The following NRXN1 variants were observed in gnomAD, a reference collection of about 807,000 sequenced individuals.
The protein encoded by NRXN1 is neurexin 1, also known as neurexin-1.
Under a neutral mutation model 150.9 loss-of-function variants are expected in NRXN1, and 39 were observed. That is an observed-to-expected ratio of 0.26 (90% CI 0.20 to 0.34). The LOEUF (loss-of-function observed/expected upper bound fraction) is 0.34. Among genes scored for constraint, NRXN1 ranks in the 10% least tolerant of loss-of-function variants. The pLI is 1.00. For synonymous variants in NRXN1, 924 were observed against 757.0 expected (o/e 1.22, Z -3.62); for missense variants, 1,815 against 1,949.9 (o/e 0.93, Z 1.30).
intron 5 of NRXN1, among the ~76,000 whole-genome samples, chr2:50,840,760 T>G (rs1039809245): frequency 6.6e-6 from 1 of 152,170 alleles, no homozygotes; most frequent in South Asian, 2.1e-4. Flanking sequence ...ATCCACTCTA[T>G]AGAAATCTCA....
chr2:50,949,961 C>A (rs1691033058), intron 2 of NRXN1, among the ~76,000 whole-genome samples: 1 of 152,032 alleles, frequency 6.6e-6, no homozygotes, highest in Non-Finnish European at 1.5e-5. Context: ...TGTACCATCC[C>A]CTGGGTATCA....
At chr2:50,842,320 T>G (rs913525924) in intron 5 of NRXN1, among the ~76,000 whole-genome samples, 1 of 152,182 alleles carries the variant, frequency 6.6e-6, no homozygotes, top group Non-Finnish European at 1.5e-5. Context: ...AGGAAAAACA[T>G]AGGCTAACAA....
intron 17 of NRXN1, among the ~76,000 whole-genome samples, chr2:50,337,016 A>G (rs1464342272): frequency 1.3e-5 from 2 of 152,218 alleles, no homozygotes; most frequent in African/African-American, 4.8e-5. Flanking sequence ...ATGCTCAGTC[A>G]GAATAAATTA....
intron 5 of NRXN1, chr2:50,757,868 ATGTTACCTCCTCTC>A (rs1183650546): frequency 4.6e-5 from 7 of 151,486 alleles, no homozygotes; most frequent in Non-Finnish European, 8.8e-5. Flanking sequence ...AGACCATCAA[ATGTTACCTCCTCTC>A]TTGAGGGCCA....
intron 12 of NRXN1, among the ~76,000 whole-genome samples, chr2:50,507,283 C>G (rs911225090): frequency 1.3e-5 from 2 of 151,768 alleles, no homozygotes; most frequent in African/African-American, 4.8e-5. Flanking sequence ...TTGACCTGTA[C>G]GTCACAAATC....
At chr2:50,067,055 A>C (rs976948227) in intron 19 of NRXN1, among the ~76,000 whole-genome samples, 2 of 152,194 alleles carry the variant, frequency 1.3e-5, no homozygotes, top group African/African-American at 4.8e-5. Context: ...TTCGTGACTA[A>C]TGCTTCAGAT....
intron 17 of NRXN1, among the ~76,000 whole-genome samples, chr2:50,245,183 G>C (rs924848573): frequency 2.0e-5 from 3 of 151,908 alleles, no homozygotes; most frequent in Admixed American, 2.0e-4. Flanking sequence ...TGCCCAGAGA[G>C]ACAAACTTGT....
chr2:50,688,650 C>A (rs1357153620), intron 5 of NRXN1, among the ~76,000 whole-genome samples: 1 of 152,142 alleles, frequency 6.6e-6, no homozygotes, highest in East Asian at 1.9e-4. Context: ...CATCCGTTAT[C>A]TTCTCAGGGA....
chr2:50,247,505 C>T (rs2066620225), intron 17 of NRXN1, among the ~76,000 whole-genome samples: 1 of 152,080 alleles, frequency 6.6e-6, no homozygotes, highest in African/African-American at 2.4e-5. Flanking sequence ...ACACTGAGGA[C>T]ACTGCAACAT....
chr2:50,459,538 C>G, intron 17 of NRXN1, among the ~76,000 whole-genome samples: 1 of 152,140 alleles, frequency 6.6e-6, no homozygotes, highest in East Asian at 1.9e-4. Flanking sequence ...GTTTAGCTCC[C>G]ACTTACAAAT....
At chr2:50,793,569 C>T (rs899557270) in intron 5 of NRXN1, among the ~76,000 whole-genome samples, 1 of 152,046 alleles carries the variant, frequency 6.6e-6, no homozygotes, top group African/African-American at 2.4e-5. Context: ...TGGGAATTAA[C>T]AGAAAATCCT....
intron 15 of NRXN1, among the ~76,000 whole-genome samples, chr2:50,490,474 G>T (rs2091187189): frequency 6.6e-6 from 1 of 152,156 alleles, no homozygotes; most frequent in South Asian, 2.1e-4. Context: ...GTAGCAGCAG[G>T]GGAAAAGCTT....
At chr2:50,760,843 G>A (rs1413965398) in intron 5 of NRXN1, among the ~76,000 whole-genome samples, 1 of 151,810 alleles carries the variant, frequency 6.6e-6, no homozygotes, top group Non-Finnish European at 1.5e-5. Flanking sequence ...TCCTTCCAGG[G>A]TGGCCTTATC....
chr2:50,023,848 T>C (rs1037179861), intron 21 of NRXN1: 1 of 152,216 alleles, frequency 6.6e-6, no homozygotes, highest in African/African-American at 2.4e-5. Flanking sequence ...CTTTCACGCA[T>C]AATTTTAACC....
At chr2:50,843,101 T>G (rs773131392) in intron 5 of NRXN1, among the ~76,000 whole-genome samples, 6 of 152,126 alleles carry the variant, frequency 3.9e-5, no homozygotes, top group Non-Finnish European at 8.8e-5. Context: ...GCAGGGAAGA[T>G]GCTGGCTACC....
Position 50,538,654 on chromosome 2 carries a change from G to A in NRXN1, c.1760-18C>T, listed in dbSNP as rs756052391. ...AATGGTACCTATTTCAAAGAGAGGA[G>A]AATGCACAGGTCTTTAAAAAGCACC... is the stretch of plus-strand genomic sequence containing the variant. On this transcript the variant is annotated intron_variant, in intron 9 of 22. Coordinates refer to ENST00000401669, the MANE Select transcript of NRXN1 (RefSeq NM_001330078.2). 6.9e-7 allele frequency: 1 copy of A among 1,452,632 alleles called. No individual in the cohort carries two copies. 90.0% of individuals were successfully genotyped at this position (1,452,632 alleles called of 1,614,324 possible). A position where few individuals can be genotyped will look rare whatever the true frequency, so the allele number is the denominator to read the frequency against.
At chr2:50,696,595 G>A (rs17501068) in intron 5 of NRXN1, among the ~76,000 whole-genome samples, 1 of 152,036 alleles carries the variant, frequency 6.6e-6, no homozygotes, top group Non-Finnish European at 1.5e-5. Context: ...TTTCTTTGTG[G>A]TTCTGAGCAA....
chr2:50,484,902 T>A (rs1175974433), intron 15 of NRXN1, among the ~76,000 whole-genome samples: 2 of 152,238 alleles, frequency 1.3e-5, no homozygotes, highest in Non-Finnish European at 2.9e-5. Flanking sequence ...TATTTTATGA[T>A]ATTTCCCCCC....
rs200722697 is a variant in NRXN1 at position 50,472,340 on chromosome 2, C to G, written c.3202G>C (p.Asp1068His). Reference protein sequence around the residue: ...LNGRLPDLISDALFCNGQIER... With the variant: ...LNGRLPDLISHALFCNGQIER... ...ATCTGTCCGTTGCAGAAAAGAGCAT[C>G]GGAGATGAGGTCCGGAAGCCGTCCA... Residue 1068 changes from aspartate (D) to histidine (H), a missense_variant, in exon 16 of 23, where the codon GAT (aspartate) becomes CAT (histidine). Transcript: ENST00000401669. 1 of 1,611,002 alleles carries G rather than the reference C, an allele frequency of 6.2e-7. No individual in the cohort carries two copies.
Sources: gnomAD v4.1 joint callset for allele counts (sites outside exome capture counted in the v4.1 genomes callset) on GRCh38, gnomAD v4.1.1 for gene constraint, MANE v1.5 for transcripts, NCBI Gene and HGNC (gene_info 2026-07-23, HGNC 2026-07-21) for gene names.